Variants in RAD51B observed in about 807,000 individuals in gnomAD.
The protein encoded by RAD51B is RAD51 paralog B.
Under a neutral mutation model 42.2 loss-of-function variants are expected in RAD51B, and 38 were observed. That is an observed-to-expected ratio of 0.90 (90% CI 0.70 to 1.18). RAD51B has a LOEUF of 1.18. Ranked by LOEUF, RAD51B falls within the 50% of genes most tolerant of loss-of-function variation. The pLI is 0.00. For synonymous variants in RAD51B, 154 were observed against 145.2 expected (o/e 1.06, Z -0.43); for missense variants, 373 against 400.7 (o/e 0.93, Z 0.59).
intron 7 of RAD51B, among the ~76,000 whole-genome samples, chr14:68,047,449 C>T (rs1032050353): frequency 4.0e-5 from 6 of 151,818 alleles, no homozygotes; most frequent in Non-Finnish European, 8.8e-5. Context: ...GTGGGAAATT[C>T]GAAAAGAACG....
intron 7 of RAD51B, among the ~76,000 whole-genome samples, chr14:68,134,950 AT>A (rs915337747): frequency 6.6e-6 from 1 of 152,114 alleles, no homozygotes; most frequent in Non-Finnish European, 1.5e-5. Context: ...ATTTTATGTT[AT>A]TTTTATGATT....
intron 7 of RAD51B, among the ~76,000 whole-genome samples, chr14:68,025,833 T>G (rs919734910): frequency 2.0e-5 from 3 of 152,140 alleles, no homozygotes; most frequent in Admixed American, 2.0e-4. Context: ...TTTATTGATC[T>G]TTCGTATGGA....
chr14:68,303,328 G>A lies in RAD51B; in HGVS notation c.853+11348G>A, dbSNP rs141507065. 4.8e-3 allele frequency among the ~76,000 whole-genome samples: 726 copies of A among 152,134 alleles called. 8 individuals carry two copies. Among genetic ancestry groups the A allele is most frequent in the African/African-American group, 0.016 (677 of 41,456 alleles). ...ACACACCAGGTTGGGGGCTAGGGGA[G>A]GTATAGCATTAGGAGAAATACCTAA... On this transcript the variant is annotated intron_variant, in intron 8 of 10. Coordinates refer to ENST00000471583, the MANE Select transcript of RAD51B (RefSeq NM_133510.4).
intron 7 of RAD51B, among the ~76,000 whole-genome samples, chr14:68,087,466 G>A (rs1056775510): frequency 2.6e-5 from 4 of 152,098 alleles, no homozygotes; most frequent in African/African-American, 9.7e-5. Context: ...ATGGATTACT[G>A]ATTGTAGAAA....
chr14:68,538,477 A>G (rs969608241), intron 10 of RAD51B, among the ~76,000 whole-genome samples: 1 of 152,190 alleles, frequency 6.6e-6, no homozygotes, highest in Non-Finnish European at 1.5e-5. Flanking sequence ...CAAACAGAAT[A>G]TATTTTGTTT....
At chr14:67,916,683 C>A (rs548556554) in intron 7 of RAD51B, among the ~76,000 whole-genome samples, 1 of 152,230 alleles carries the variant, frequency 6.6e-6, no homozygotes, top group East Asian at 1.9e-4. Context: ...GGTACCAGGC[C>A]AACCTGAGTT....
chr14:68,018,376 A>G (rs907060773), intron 7 of RAD51B, among the ~76,000 whole-genome samples: 3 of 152,234 alleles, frequency 2.0e-5, no homozygotes, highest in Non-Finnish European at 2.9e-5. Context: ...CGTACCTTGT[A>G]GAAGGAAAAT....
At chr14:68,072,949 T>C (rs1262273124) in intron 7 of RAD51B, among the ~76,000 whole-genome samples, 3 of 152,220 alleles carry the variant, frequency 2.0e-5, no homozygotes, top group East Asian at 3.9e-4. Context: ...CTTTGTGTTC[T>C]AGTGTGTGGT....
chr14:68,217,384 A>G (rs765742338), intron 7 of RAD51B, among the ~76,000 whole-genome samples: 7 of 152,322 alleles, frequency 4.6e-5, no homozygotes, highest in East Asian at 1.9e-4. Context: ...GCCAATCAAT[A>G]TGGAGTTTAT....
chr14:67,929,482 A>C (rs1452657208), intron 7 of RAD51B, among the ~76,000 whole-genome samples: 1 of 152,126 alleles, frequency 6.6e-6, no homozygotes, highest in African/African-American at 2.4e-5. Flanking sequence ...TGGAAAGATT[A>C]GTTTTATAGC....
At chr14:68,015,287 C>T (rs2075758764) in intron 7 of RAD51B, among the ~76,000 whole-genome samples, 1 of 152,142 alleles carries the variant, frequency 6.6e-6, no homozygotes, top group Non-Finnish European at 1.5e-5. Flanking sequence ...ATTTATTTAA[C>T]ACCTACTATG....
intron 8 of RAD51B, among the ~76,000 whole-genome samples, chr14:68,332,217 C>T (rs186819169): frequency 1.3e-5 from 2 of 152,102 alleles, no homozygotes; most frequent in Non-Finnish European, 2.9e-5. Flanking sequence ...TACTGTATTA[C>T]CCACCCATCC....
chr14:68,437,844 GAGA>G (rs778138142), intron 9 of RAD51B, among the ~76,000 whole-genome samples: 71 of 152,314 alleles, frequency 4.7e-4, no homozygotes, highest in Middle Eastern at 3.4e-3. Flanking sequence ...GTGATGGCCA[GAGA>G]AGGATTCAGA....
chr14:67,835,325 A>G (rs1316448150), intron 4 of RAD51B, 129 bp downstream of exon 4: 1 of 720,492 alleles, frequency 1.4e-6, no homozygotes, highest in South Asian at 1.8e-5. Flanking sequence ...TACTTCAAGG[A>G]TATGGTTCTC....
At chr14:68,093,001 T>C (rs2077128725) in intron 7 of RAD51B, among the ~76,000 whole-genome samples, 1 of 149,806 alleles carries the variant, frequency 6.7e-6, no homozygotes, top group Non-Finnish European at 1.5e-5. Flanking sequence ...CTGGATTACG[T>C]TTATTGATTT....
chr14:68,121,899 A>G (rs2077658300), intron 7 of RAD51B, among the ~76,000 whole-genome samples: 1 of 152,016 alleles, frequency 6.6e-6, no homozygotes, highest in Non-Finnish European at 1.5e-5. Context: ...ATGGAAAAAA[A>G]TGGGACATCC....
At chr14:67,947,824 A>G (rs2045447544) in intron 7 of RAD51B, among the ~76,000 whole-genome samples, 1 of 152,228 alleles carries the variant, frequency 6.6e-6, no homozygotes, top group Non-Finnish European at 1.5e-5. Context: ...TGTATATATT[A>G]TAATGGAAAA....
chr14:68,470,508 C>T (rs1327835833), intron 10 of RAD51B: 1 of 488,602 alleles, frequency 2.0e-6, no homozygotes, highest in Admixed American at 2.3e-5. Flanking sequence ...AATCTCTGGG[C>T]CTTGCTTTTG....
intron 7 of RAD51B, among the ~76,000 whole-genome samples, chr14:68,077,352 C>G (rs551818370): frequency 3.3e-5 from 5 of 152,220 alleles, no homozygotes; most frequent in African/African-American, 1.2e-4. Flanking sequence ...TGTCCCTGCC[C>G]CAGGGTATTT....
Sources: gnomAD v4.1 joint callset for allele counts (sites outside exome capture counted in the v4.1 genomes callset) on GRCh38, gnomAD v4.1.1 for gene constraint, MANE v1.5 for transcripts, NCBI Gene and HGNC (gene_info 2026-07-23, HGNC 2026-07-21) for gene names.